Variants in EYS observed in about 807,000 individuals in gnomAD.
EYS encodes the protein protein eyes shut homolog.
Under a neutral mutation model 282.1 loss-of-function variants are expected in EYS, and 250 were observed. The ratio of observed to expected loss-of-function variants is 0.89; its 90% CI spans 0.80 to 0.98. The LOEUF (loss-of-function observed/expected upper bound fraction) is 0.98, where lower values mean the gene tolerates loss of function less well. Among genes scored for constraint, EYS ranks in the 50% least tolerant of loss-of-function variants. The pLI is 0.00. For synonymous variants in EYS, 1,355 were observed against 1,282.9 expected, an observed-to-expected ratio of 1.06 and a Z score of -1.20; for missense variants, 4,016 against 3,709.0, an observed-to-expected ratio of 1.08 and a Z score of -2.15.
At chr6:64,608,290 G>C (rs1766997871) in intron 24 of EYS, among the ~76,000 whole-genome samples, 1 of 152,058 alleles carries the variant, frequency 6.6e-6, no homozygotes, top group African/African-American at 2.4e-5. Context: ...CCTGTTTTAT[G>C]GAACTTATTG....
intron 12 of EYS, among the ~76,000 whole-genome samples, chr6:65,149,646 C>T (rs572470968): frequency 4.6e-5 from 7 of 151,964 alleles, no homozygotes; most frequent in Non-Finnish European, 1.0e-4. Context: ...TGGTCAAAAC[C>T]ATTCAACATG....
intron 33 of EYS, among the ~76,000 whole-genome samples, chr6:64,020,868 GA>G (rs1350166255): frequency 6.6e-6 from 1 of 152,076 alleles, no homozygotes; most frequent in African/African-American, 2.4e-5. Flanking sequence ...ACCAAAGAAA[GA>G]TCTCAATAGT....
intron 7 of EYS, among the ~76,000 whole-genome samples, chr6:65,400,055 A>C (rs938192049): frequency 1.3e-5 from 2 of 152,048 alleles, no homozygotes; most frequent in Admixed American, 1.3e-4. Context: ...AAGTATCAAC[A>C]TGCAAAAGTG....
chr6:64,248,442 T>C (rs1190943841), intron 30 of EYS, among the ~76,000 whole-genome samples: 1 of 152,116 alleles, frequency 6.6e-6, no homozygotes, highest in African/African-American at 2.4e-5. Context: ...GAGAATGTTA[T>C]GGGAATGTAA....
At chr6:64,404,245 G>T (rs1016178977) in intron 28 of EYS, among the ~76,000 whole-genome samples, 5 of 141,148 alleles carry the variant, frequency 3.5e-5, no homozygotes, top group Non-Finnish European at 5.9e-5. Flanking sequence ...TTTAACACAT[G>T]AGGGATAAAA....
chr6:65,508,071 GT>G (rs1766723915), intron 2 of EYS, among the ~76,000 whole-genome samples: 1 of 151,732 alleles, frequency 6.6e-6, no homozygotes. Context: ...GGAGATCTCT[GT>G]CAATGTGGTT....
intron 12 of EYS, among the ~76,000 whole-genome samples, chr6:65,125,942 G>A (rs1382134539): frequency 6.6e-6 from 1 of 151,990 alleles, no homozygotes; most frequent in Non-Finnish European, 1.5e-5. Flanking sequence ...ACCAAACTGT[G>A]GGTAGGAATC....
At chr6:65,526,646 A>G (rs1351770118) in intron 2 of EYS, among the ~76,000 whole-genome samples, 1 of 152,082 alleles carries the variant, frequency 6.6e-6, no homozygotes, top group Non-Finnish European at 1.5e-5. Flanking sequence ...TCTACTAAAA[A>G]ATACAAAAAA....
At chr6:65,469,297 T>C (rs990072094) in intron 5 of EYS, among the ~76,000 whole-genome samples, 2 of 152,080 alleles carry the variant, frequency 1.3e-5, no homozygotes, top group African/African-American at 4.8e-5. Flanking sequence ...TTTTTTGACA[T>C]GTAATATCAT....
At chr6:65,399,702 G>A (rs190336111) in intron 7 of EYS, among the ~76,000 whole-genome samples, 14 of 152,090 alleles carry the variant, frequency 9.2e-5, no homozygotes, top group Admixed American at 4.6e-4. Context: ...GTATATTTAC[G>A]TGGAAAGTTT....
At chr6:65,657,680 C>T (rs147569243) in intron 1 of EYS, among the ~76,000 whole-genome samples, 15 of 151,828 alleles carry the variant, frequency 9.9e-5, no homozygotes, top group South Asian at 6.2e-4. Context: ...CTGTGAACAG[C>T]GTTGAAATAA....
At chr6:64,383,263 T>A (rs1393706135) in intron 29 of EYS, among the ~76,000 whole-genome samples, 1 of 152,206 alleles carries the variant, frequency 6.6e-6, no homozygotes, top group Admixed American at 6.5e-5. Context: ...ATTGCACCAG[T>A]GCACTTCAGC....
chr6:64,109,085 C>T (rs1437466314), intron 31 of EYS, among the ~76,000 whole-genome samples: 1 of 152,018 alleles, frequency 6.6e-6, no homozygotes, highest in African/African-American at 2.4e-5. Context: ...TATATTACTG[C>T]TATTGCATTC....
chr6:64,877,724 G>T (rs1766792226), intron 19 of EYS, among the ~76,000 whole-genome samples: 1 of 152,126 alleles, frequency 6.6e-6, no homozygotes, highest in African/African-American at 2.4e-5. Flanking sequence ...AAAGAGAATA[G>T]GTAGTGAGGA....
intron 26 of EYS, among the ~76,000 whole-genome samples, chr6:64,564,572 T>C (rs1484433009): frequency 1.3e-5 from 2 of 152,168 alleles, no homozygotes; most frequent in Non-Finnish European, 2.9e-5. Flanking sequence ...TGAGCCACCA[T>C]GCCCAGCCTT....
At chr6:65,167,537 GA>G (rs1226937151) in intron 12 of EYS, among the ~76,000 whole-genome samples, 5 of 151,140 alleles carry the variant, frequency 3.3e-5, no homozygotes, top group African/African-American at 1.2e-4. Flanking sequence ...ATTTTGCTAT[GA>G]AATGCCCAGG....
chr6:63,823,407 G>A (rs1338573139), intron 36 of EYS, among the ~76,000 whole-genome samples: 1 of 152,124 alleles, frequency 6.6e-6, no homozygotes, highest in Non-Finnish European at 1.5e-5. Context: ...TACCTTTGAA[G>A]ATGCTAACGT....
chr6:65,277,768 G>A (rs1768089782), intron 12 of EYS, among the ~76,000 whole-genome samples: 3 of 152,120 alleles, frequency 2.0e-5, no homozygotes, highest in Admixed American at 2.0e-4. Flanking sequence ...ATTTTCCACT[G>A]TACACAAGAT....
chr6:64,795,919 T>G (rs578229802), intron 22 of EYS, among the ~76,000 whole-genome samples: 2 of 152,290 alleles, frequency 1.3e-5, no homozygotes, highest in East Asian at 3.9e-4. Context: ...ATGATAGCAA[T>G]CTACAGAAAT....
Sources: gnomAD v4.1 joint callset for allele counts (sites outside exome capture counted in the v4.1 genomes callset) on GRCh38, gnomAD v4.1.1 for gene constraint, MANE v1.5 for transcripts, NCBI Gene and HGNC (gene_info 2026-07-23, HGNC 2026-07-21) for gene names.